The following NELL1 variants were observed in gnomAD, a reference collection of about 807,000 sequenced individuals.
The protein encoded by NELL1 is neural EGFL like 1.
In NELL1, 76 loss-of-function variants were observed where a neutral mutation model predicts 107.4. The observed-to-expected ratio is 0.71, with a 90% confidence interval of 0.59 to 0.86. The LOEUF (loss-of-function observed/expected upper bound fraction) is 0.86. Ranked by LOEUF, NELL1 falls within the 40% of genes least tolerant of loss-of-function variation. The probability of loss-of-function intolerance (pLI) is 0.00; values close to 1 mark genes in which losing one functional copy is unlikely to be tolerated. For synonymous variants in NELL1, 353 were observed against 341.2 expected (o/e 1.03, Z -0.38); for missense variants, 1,024 against 1,005.5 (o/e 1.02, Z -0.25).
At chr11:21,051,892 C>T (rs932581760) in intron 12 of NELL1, among the ~76,000 whole-genome samples, 5 of 152,016 alleles carry the variant, frequency 3.3e-5, no homozygotes, top group African/African-American at 1.2e-4. Flanking sequence ...GGATTACATC[C>T]TAGCAAGAGT....
At chr11:21,462,076 T>C in intron 15 of NELL1, among the ~76,000 whole-genome samples, 1 of 152,140 alleles carries the variant, frequency 6.6e-6, no homozygotes, top group East Asian at 1.9e-4. Flanking sequence ...TGGTCTTGTG[T>C]GTAGGTAAGC....
intron 2 of NELL1, among the ~76,000 whole-genome samples, chr11:20,742,040 T>C (rs1328009241): frequency 6.6e-6 from 1 of 152,230 alleles, no homozygotes; most frequent in Non-Finnish European, 1.5e-5. Context: ...AACAAAGGGT[T>C]AGAGGACAAG....
At chr11:21,398,423 A>G (rs1490285009) in intron 15 of NELL1, among the ~76,000 whole-genome samples, 2 of 151,740 alleles carry the variant, frequency 1.3e-5, no homozygotes, top group Non-Finnish European at 2.9e-5. Context: ...ATAAATGTGC[A>G]TGAGTCCAGC....
intron 2 of NELL1, among the ~76,000 whole-genome samples, chr11:20,727,961 G>A (rs1287594478): frequency 6.6e-6 from 1 of 152,098 alleles, no homozygotes; most frequent in Non-Finnish European, 1.5e-5. Context: ...AGCCTAACTA[G>A]CATTTGTTGT....
intron 15 of NELL1, among the ~76,000 whole-genome samples, chr11:21,427,207 C>A (rs1451779797): frequency 6.6e-6 from 1 of 152,146 alleles, no homozygotes; most frequent in Non-Finnish European, 1.5e-5. Flanking sequence ...AATAAGGGTT[C>A]TGCATTTCTC....
intron 15 of NELL1, among the ~76,000 whole-genome samples, chr11:21,435,665 G>A (rs973266920): frequency 1.3e-5 from 2 of 151,736 alleles, no homozygotes; most frequent in African/African-American, 4.8e-5. Flanking sequence ...TGTATTCTTG[G>A]GATAAATCCC....
chr11:20,765,411 C>T (rs1270605866), intron 2 of NELL1, among the ~76,000 whole-genome samples: 2 of 152,158 alleles, frequency 1.3e-5, no homozygotes, highest in Non-Finnish European at 2.9e-5. Context: ...CCAGACACCA[C>T]AGCACAGTGG....
chr11:21,368,128 C>T (rs1340003257), intron 14 of NELL1, among the ~76,000 whole-genome samples: 1 of 151,944 alleles, frequency 6.6e-6, no homozygotes, highest in Non-Finnish European at 1.5e-5. Flanking sequence ...ATGACATATC[C>T]CTTCTTTATT....
chr11:20,871,391 T>C (rs1225446470), intron 4 of NELL1, among the ~76,000 whole-genome samples: 3 of 152,224 alleles, frequency 2.0e-5, no homozygotes, highest in Non-Finnish European at 4.4e-5. Context: ...ATCTGCCCTA[T>C]AATGCAGTCT....
intron 15 of NELL1, among the ~76,000 whole-genome samples, chr11:21,379,852 A>C (rs1269912916): frequency 2.0e-5 from 3 of 152,074 alleles, no homozygotes; most frequent in African/African-American, 7.2e-5. Context: ...TTCATATTTT[A>C]TATCTTGCCT....
intron 12 of NELL1, among the ~76,000 whole-genome samples, chr11:21,066,686 A>G (rs1185809678): frequency 6.6e-6 from 1 of 152,144 alleles, no homozygotes; most frequent in Non-Finnish European, 1.5e-5. Flanking sequence ...GTGGTGGCTC[A>G]TGACTGTAAT....
intron 13 of NELL1, among the ~76,000 whole-genome samples, chr11:21,163,820 C>T (rs1330261647): frequency 6.6e-6 from 1 of 151,918 alleles, no homozygotes; most frequent in Non-Finnish European, 1.5e-5. Flanking sequence ...TTCTCGACCT[C>T]ATCTAAACCT....
rs201442561 is a variant in NELL1 at position 20,918,242 on chromosome 11, A to G, written c.664A>G (p.Asn222Asp). 2.0e-5 allele frequency: 31 copies of G among 1,575,404 alleles called. No individual in the cohort carries two copies. Among genetic ancestry groups the G allele is most frequent in the Non-Finnish European group, 2.5e-5 (29 of 1,146,008 alleles). ...GAATGGATATATAACACAGTGTCCA[A>G]ATCTAAATCACAGTAAGTAGCAACT... ...MPNGYITQCP[N>D]LNHTCPTCSD... is the part of the protein sequence containing the mutation. Residue 222 changes from asparagine (N) to aspartate (D), a missense_variant, in exon 6 of 20, where the codon AAT becomes GAT. Asn to Asp is a conservative substitution (Grantham distance 23). Transcript: ENST00000357134.
At chr11:21,297,252 G>A (rs1297835068) in intron 14 of NELL1, among the ~76,000 whole-genome samples, 2 of 151,866 alleles carry the variant, frequency 1.3e-5, no homozygotes, top group Non-Finnish European at 2.9e-5. Flanking sequence ...CTACATTCAG[G>A]GTGATATGGT....
At chr11:21,540,879 A>C (rs1042073304) in intron 16 of NELL1, among the ~76,000 whole-genome samples, 1 of 152,126 alleles carries the variant, frequency 6.6e-6, no homozygotes, top group African/African-American at 2.4e-5. Flanking sequence ...AAAAAAGACT[A>C]CAAGTGATTA....
chr11:21,221,649 G>T (rs1370838257), intron 13 of NELL1, among the ~76,000 whole-genome samples: 1 of 151,938 alleles, frequency 6.6e-6, no homozygotes, highest in Non-Finnish European at 1.5e-5. Flanking sequence ...TTTGCTCTAG[G>T]TTTTCCAGTT....
At chr11:20,695,924 A>C (rs1456767144) in intron 2 of NELL1, among the ~76,000 whole-genome samples, 5 of 151,626 alleles carry the variant, frequency 3.3e-5, no homozygotes, top group Non-Finnish European at 1.5e-5. Context: ...TTTGGTAGAT[A>C]GGATTTTTTA....
At chr11:21,258,786 C>T (rs896669531) in intron 14 of NELL1, among the ~76,000 whole-genome samples, 1 of 151,984 alleles carries the variant, frequency 6.6e-6, no homozygotes, top group Non-Finnish European at 1.5e-5. Context: ...ATCATACTTA[C>T]ACTTTATGAA....
At chr11:21,017,410 G>A (rs2134296114) in intron 12 of NELL1, among the ~76,000 whole-genome samples, 1 of 152,160 alleles carries the variant, frequency 6.6e-6, no homozygotes, top group South Asian at 2.1e-4. Context: ...GCCTAGGATT[G>A]CTGGTGGCTG....
Sources: allele counts gnomAD v4.1 joint callset (sites outside exome capture counted in the v4.1 genomes callset), GRCh38; gene constraint gnomAD v4.1.1; transcripts MANE v1.5; gene names NCBI Gene and HGNC (gene_info 2026-07-23, HGNC 2026-07-21).